TVP23C: variants seen among roughly 807,000 people sequenced by gnomAD.
TVP23C encodes the protein trans-golgi network vesicle protein 23 homolog C.
In TVP23C, 19 loss-of-function variants were observed where a neutral mutation model predicts 28.7. That is an observed-to-expected ratio of 0.66 (90% CI 0.46 to 0.97). The LOEUF (loss-of-function observed/expected upper bound fraction) is 0.97, where lower values mean the gene tolerates loss of function less well. Among genes scored for constraint, TVP23C ranks in the 50% least tolerant of loss-of-function variants. The pLI is 0.00. For synonymous variants in TVP23C, 68 were observed against 81.7 expected (o/e 0.83, Z 0.90); for missense variants, 186 against 241.3 (o/e 0.77, Z 1.52).
At chr17:15,532,502 T>A (rs1234766701), downstream of TVP23C, among the ~76,000 whole-genome samples, 1 of 152,214 alleles carries the variant, frequency 6.6e-6, no homozygotes, top group Non-Finnish European at 1.5e-5. Context: ...TTTTCAAGGC[T>A]ACTGTGGAGC....
In TVP23C at chr17:15,543,162, T is replaced by C. The variant is rs530752345; in HGVS notation, c.463-2601A>G. Among the ~76,000 whole-genome samples the C allele has an allele frequency of 9.2e-4, 135 of 146,864 alleles. 4 individuals carry two copies. Among genetic ancestry groups the C allele is most frequent in the Middle Eastern group, 3.4e-3 (1 of 292 alleles). On this transcript the variant is annotated intron_variant, in intron 5 of 5. Transcript: ENST00000518321. ...CAGCCCAGCCAAGACAGCAAGAGCC[T>C]GGTAAGTTCTCCACATCGCACATCA...
At chr17:15,543,458 A>AC (rs1429581128) in intron 5 of TVP23C, among the ~76,000 whole-genome samples, 80 of 148,952 alleles carry the variant, frequency 5.4e-4, no homozygotes, top group Middle Eastern at 3.5e-3. Context: ...AAGAAAAAAA[A>AC]CCCACCAAAA....
intron 1 of TVP23C, among the ~76,000 whole-genome samples, chr17:15,558,805 C>T (rs578002055): frequency 2.7e-5 from 4 of 148,632 alleles, no homozygotes; most frequent in African/African-American, 9.7e-5. Context: ...GTACATATGA[C>T]TTCACTGCCG....
At chr17:15,515,911 G>A (rs1048621421) in intron 5 of TVP23C, among the ~76,000 whole-genome samples, 12 of 152,208 alleles carry the variant, frequency 7.9e-5, no homozygotes, top group Non-Finnish European at 1.6e-4. Context: ...TCTCATGAAC[G>A]GTTAGCACCA....
intron 5 of TVP23C, among the ~76,000 whole-genome samples, chr17:15,505,888 G>A (rs543568975): frequency 3.9e-5 from 6 of 152,366 alleles, no homozygotes; most frequent in Admixed American, 3.9e-4. Context: ...CACCGGCGCT[G>A]TGCTCGATTT....
intron 1 of TVP23C, 31 bp downstream of exon 1, chr17:15,563,406 C>T: frequency 6.3e-7 from 1 of 1,584,510 alleles, no homozygotes; most frequent in Non-Finnish European, 8.6e-7. Context: ...CCAGGAGCCG[C>T]CACCCTCCCA....
At chr17:15,551,913 C>T (rs549209755) in intron 3 of TVP23C, among the ~76,000 whole-genome samples, 1 of 152,166 alleles carries the variant, frequency 6.6e-6, no homozygotes, top group East Asian at 1.9e-4. Context: ...TAATAATTTC[C>T]CTATTCTTGA....
intron 5 of TVP23C, among the ~76,000 whole-genome samples, chr17:15,526,677 C>T (rs190645524): frequency 6.6e-6 from 1 of 152,218 alleles, no homozygotes; most frequent in Non-Finnish European, 1.5e-5. Flanking sequence ...CTCCAGTATG[C>T]GTTGGTTTCA....
At chr17:15,559,947 G>A (rs1311049075) in intron 1 of TVP23C, among the ~76,000 whole-genome samples, 3 of 149,468 alleles carry the variant, frequency 2.0e-5, no homozygotes, top group Non-Finnish European at 3.0e-5. Flanking sequence ...CATAAGGTGA[G>A]CCAGGAGGGG....
Position 15,539,337 on chromosome 17 carries a change from G to C in TVP23C, c.*1075C>G, listed in dbSNP as rs1430013540. 78 of 984,726 alleles carry C rather than the reference G, an allele frequency of 7.9e-5. No homozygotes were observed. Among genetic ancestry groups the C allele is most frequent in the Middle Eastern group, 5.2e-4 (1 of 1,932 alleles). 61.0% of individuals were successfully genotyped at this position (984,726 alleles called of 1,614,324 possible). ...AAAGACCTAGTCACGGCCAGGCGCCGTGGCTCACGCCTGTAATCCCAGCAC... is the reference window on the plus strand; with the variant it reads ...AAAGACCTAGTCACGGCCAGGCGCCCTGGCTCACGCCTGTAATCCCAGCAC... On this transcript the variant is annotated 3_prime_UTR_variant, in exon 6 of 6. Transcript: ENST00000518321.
intron 5 of TVP23C, among the ~76,000 whole-genome samples, chr17:15,505,571 C>T (rs1327176463): frequency 2.0e-5 from 3 of 152,222 alleles, no homozygotes; most frequent in Non-Finnish European, 4.4e-5. Flanking sequence ...TCGGAACCTC[C>T]TCTGCCAGGG....
intron 5 of TVP23C, among the ~76,000 whole-genome samples, chr17:15,519,448 G>A (rs914024385): frequency 6.6e-6 from 1 of 150,494 alleles, no homozygotes; most frequent in Non-Finnish European, 1.5e-5. Context: ...TTCCAGCCCA[G>A]GTGACAGAGT....
intron 5 of TVP23C, among the ~76,000 whole-genome samples, chr17:15,544,287 A>G (rs1597535854): frequency 6.6e-6 from 1 of 152,238 alleles, no homozygotes; most frequent in South Asian, 2.1e-4. Context: ...TAGCCAACCA[A>G]TAAGTAAAAG....
intron 3 of TVP23C, among the ~76,000 whole-genome samples, chr17:15,551,292 G>C (rs1450238286): frequency 1.5e-5 from 2 of 133,848 alleles, no homozygotes; most frequent in Non-Finnish European, 3.1e-5. Flanking sequence ...TTTTTTAGCA[G>C]AGATGGGGTT....
chr17:15,552,061 A>AT (rs1261660751), intron 3 of TVP23C, among the ~76,000 whole-genome samples: 3 of 152,238 alleles, frequency 2.0e-5, no homozygotes, highest in African/African-American at 7.2e-5. Context: ...AAAATAAACT[A>AT]TTTTGATCGC....
intron 5 of TVP23C, among the ~76,000 whole-genome samples, chr17:15,513,389 T>G (rs547843045): frequency 2.0e-5 from 3 of 152,236 alleles, no homozygotes; most frequent in Non-Finnish European, 4.4e-5. Context: ...CAATTGAGTA[T>G]TTCTTCTTTA....
At chr17:15,525,967 G>GAAGT (rs1349414772) in intron 5 of TVP23C, among the ~76,000 whole-genome samples, 2 of 152,212 alleles carry the variant, frequency 1.3e-5, no homozygotes, top group Non-Finnish European at 2.9e-5. Context: ...AAGAGATTAA[G>GAAGT]TATCTCATGA....
At chr17:15,561,652 A>G (rs1984403208) in intron 1 of TVP23C, among the ~76,000 whole-genome samples, 1 of 143,794 alleles carries the variant, frequency 7.0e-6, no homozygotes, top group Non-Finnish European at 1.5e-5. Flanking sequence ...AAATAAATAA[A>G]TAAATAAATA....
intron 5 of TVP23C, among the ~76,000 whole-genome samples, chr17:15,524,063 GGTGTGTGTGTGTGTGTGTGTGT>G (rs10578424): frequency 2.9e-5 from 4 of 136,350 alleles, no homozygotes; most frequent in Non-Finnish European, 4.7e-5. Flanking sequence ...AGCAGAGTGG[GGTGTGTGTGTGTGTGTGTGTGT>G]GTGTGTGTGT....
Sources: gnomAD v4.1 joint callset for allele counts (sites outside exome capture counted in the v4.1 genomes callset) on GRCh38, gnomAD v4.1.1 for gene constraint, MANE v1.5 for transcripts, NCBI Gene and HGNC (gene_info 2026-07-23, HGNC 2026-07-21) for gene names.